Variants in GALNT2 observed in about 807,000 individuals in gnomAD.
GALNT2 encodes UDP-GalNAc:polypeptide N-acetylgalactosaminyltransferase 2.
GALNT2 carries 31 observed loss-of-function variants against 81.4 expected under a neutral mutation model. The observed-to-expected ratio is 0.38, with a 90% CI of 0.29 to 0.51. The LOEUF (loss-of-function observed/expected upper bound fraction) is 0.51, where lower values mean the gene tolerates loss of function less well. Ranked by LOEUF, GALNT2 falls within the 20% of genes least tolerant of loss-of-function variation. The pLI, the probability that GALNT2 is intolerant of heterozygous loss-of-function variation, is 0.87. For missense variants in GALNT2, 629 were observed against 765.7 expected (o/e 0.82, Z 2.11); for synonymous variants, 303 against 287.4 (o/e 1.05, Z -0.55).
rs545471177 is a variant in GALNT2, at chr1:230,239,780, A to AT, written c.607+3062dup. On this transcript the variant is annotated intron_variant, in intron 6 of 15. Transcript: ENST00000366672. Reference sequence around the variant, plus strand: ...TTCTTGCCTTCTTTTGGATTCAGTGATTTTTTTAGTATTCCATTTGAATTA... The same window carrying AT: ...TTCTTGCCTTCTTTTGGATTCAGTGATTTTTTTTAGTATTCCATTTGAATTA... 3.2e-4 allele frequency among the ~76,000 whole-genome samples: 49 copies of AT among 152,184 alleles called. 1 individual carries two copies. Among genetic ancestry groups the AT allele is most frequent in the Admixed American group, 6.5e-4 (10 of 15,290 alleles).
In GALNT2 at chr1:230,274,435, T is replaced by C. The variant is rs749989136; in HGVS notation, c.1441-10T>C. On this transcript the variant is annotated splice_polypyrimidine_tract_variant and intron_variant, in intron 14 of 15. Transcript: ENST00000366672. Reference sequence around the variant, plus strand: ...ATAGCACGCCTCTGACTTCTGGTTTTGTGTTCCAGGAATGGGCCTTGACGA... The same window carrying C: ...ATAGCACGCCTCTGACTTCTGGTTTCGTGTTCCAGGAATGGGCCTTGACGA... 3 of 1,612,916 alleles carry C rather than the reference T, an allele frequency of 1.9e-6. No individual in the cohort carries two copies. The highest frequency in any genetic ancestry group is 2.5e-6 in the Non-Finnish European group (3 of 1,179,438).
intron 1 of GALNT2, among the ~76,000 whole-genome samples, chr1:230,168,442 G>C (rs1019642773): frequency 6.6e-6 from 1 of 152,210 alleles, no homozygotes; most frequent in Non-Finnish European, 1.5e-5. Flanking sequence ...CTGAGGCCTT[G>C]CCCCTCCTGT....
At chr1:230,081,626 C>G (rs1261996134) in intron 1 of GALNT2, among the ~76,000 whole-genome samples, 1 of 152,174 alleles carries the variant, frequency 6.6e-6, no homozygotes, top group Non-Finnish European at 1.5e-5. Context: ...GCAACAAAGC[C>G]CCCCTGTGAG....
intron 3 of GALNT2, among the ~76,000 whole-genome samples, chr1:230,219,592 A>G (rs1048923755): frequency 2.0e-5 from 3 of 151,960 alleles, no homozygotes; most frequent in Admixed American, 1.3e-4. Flanking sequence ...GAACTAACCT[A>G]TGGTGAGGAC....
intron 1 of GALNT2, among the ~76,000 whole-genome samples, chr1:230,174,883 A>G (rs1352504238): frequency 1.3e-5 from 2 of 151,722 alleles, no homozygotes; most frequent in South Asian, 2.1e-4. Context: ...GCTAGTCCCC[A>G]TTGTTCCTTC....
chr1:230,197,416 C>T (rs1006604003), intron 2 of GALNT2, among the ~76,000 whole-genome samples: 4 of 152,146 alleles, frequency 2.6e-5, no homozygotes, highest in African/African-American at 7.2e-5. Context: ...TCCCTCTATG[C>T]TTCCTGCTCG....
intron 1 of GALNT2, among the ~76,000 whole-genome samples, chr1:230,153,500 C>G (rs1662153139): frequency 6.6e-6 from 1 of 152,034 alleles, no homozygotes; most frequent in Admixed American, 6.5e-5. Flanking sequence ...GAAAAAACAC[C>G]CATAATGCTT....
chr1:230,218,490 G>A lies in GALNT2; in HGVS notation c.374+15200G>A, dbSNP rs75270186. On this transcript the variant is annotated intron_variant, in intron 3 of 15. Transcript: ENST00000366672. ...TGGGCTGCCGTGTGAGGACTAAATG[G>A]GTTAACACCTGTAAGTGACTTAGCA... Among the ~76,000 whole-genome samples, 833 of 152,262 alleles carry A rather than the reference G, an allele frequency of 5.5e-3. 7 individuals carry two copies. The highest frequency in any genetic ancestry group is 0.019 in the African/African-American group (795 of 41,538).
chr1:230,180,321 T>C (rs980614828), intron 2 of GALNT2, among the ~76,000 whole-genome samples: 2 of 142,772 alleles, frequency 1.4e-5, no homozygotes, highest in Non-Finnish European at 3.1e-5. Context: ...TTTTTTTTTT[T>C]TGGCATGTGA....
At chr1:230,084,045 G>A (rs533271714) in intron 1 of GALNT2, among the ~76,000 whole-genome samples, 1 of 152,308 alleles carries the variant, frequency 6.6e-6, no homozygotes, top group Admixed American at 6.5e-5. Context: ...CTCCCCCTTT[G>A]TATGTCACTT....
upstream of GALNT2, among the ~76,000 whole-genome samples, chr1:230,065,329 T>A (rs537719103): frequency 6.6e-6 from 1 of 152,238 alleles, no homozygotes; most frequent in African/African-American, 2.4e-5. Flanking sequence ...TTGTCATTAC[T>A]TTCAATTTCC....
chr1:230,212,967 T>A (rs891921412), intron 3 of GALNT2, among the ~76,000 whole-genome samples: 1 of 152,188 alleles, frequency 6.6e-6, no homozygotes, highest in Non-Finnish European at 1.5e-5. Flanking sequence ...TGTTGGCATC[T>A]CTGAAGGGCC....
At chr1:230,085,490 T>G (rs1183511643) in intron 1 of GALNT2, among the ~76,000 whole-genome samples, 1 of 152,228 alleles carries the variant, frequency 6.6e-6, no homozygotes, top group Admixed American at 6.5e-5. Context: ...CCCAGTCCAC[T>G]GCCACTGGGC....
chr1:230,070,105 G>C lies in GALNT2; in HGVS notation c.126+2699G>C. 6.6e-6 allele frequency among the ~76,000 whole-genome samples: 1 copy of C among 152,230 alleles called. No homozygotes were observed. Among genetic ancestry groups the C allele is most frequent in the East Asian group, 1.9e-4 (1 of 5,204 alleles). On this transcript the variant is annotated intron_variant, in intron 1 of 15. Transcript: ENST00000366672. This position sits in a 1 kb window ranked among gnomAD's most constrained non-coding sequence, Gnocchi z 4.7. ...TCAGATTGCAGGTTTAGTAAACTAA[G>C]CAGGAGGGAGTGCTGAAGACCAATC...
chr1:230,136,825 A>G (rs1213180530), intron 1 of GALNT2, among the ~76,000 whole-genome samples: 1 of 152,204 alleles, frequency 6.6e-6, no homozygotes, highest in Non-Finnish European at 1.5e-5. Flanking sequence ...ATCTGGTCCA[A>G]GGTCATTCAA....
At chr1:230,108,721 T>G (rs1390029998) in intron 1 of GALNT2, among the ~76,000 whole-genome samples, 1 of 152,230 alleles carries the variant, frequency 6.6e-6, no homozygotes, top group African/African-American at 2.4e-5. Flanking sequence ...ATTGGGCAAG[T>G]CATATCCAAA....
chr1:230,226,378 G>T (rs1016677880), intron 3 of GALNT2, among the ~76,000 whole-genome samples: 1 of 152,168 alleles, frequency 6.6e-6, no homozygotes, highest in Admixed American at 6.5e-5. Flanking sequence ...CCCTCCCCCT[G>T]CCACCGAATA....
intron 1 of GALNT2, among the ~76,000 whole-genome samples, chr1:230,089,589 A>G (rs1660000498): frequency 6.6e-6 from 1 of 152,190 alleles, no homozygotes; most frequent in Non-Finnish European, 1.5e-5. Flanking sequence ...CCCTGCAGCC[A>G]CTGGCGGCCA....
chr1:230,131,989 T>G (rs1040047178), intron 1 of GALNT2, among the ~76,000 whole-genome samples: 6 of 152,198 alleles, frequency 3.9e-5, no homozygotes, highest in Non-Finnish European at 8.8e-5. Flanking sequence ...GTTACCTCCT[T>G]CCTGCTCTTG....
Sources: allele counts gnomAD v4.1 joint callset (sites outside exome capture counted in the v4.1 genomes callset), GRCh38; gene constraint gnomAD v4.1.1; non-coding constraint Gnocchi (gnomAD v3.1); transcripts MANE v1.5; gene names NCBI Gene and HGNC (gene_info 2026-07-23, HGNC 2026-07-21).